Variants in STK11IP observed in about 807,000 individuals in gnomAD.
STK11IP encodes serine/threonine-protein kinase 11-interacting protein.
A neutral mutation model predicts 131.7 loss-of-function variants in STK11IP; 103 were observed. The observed-to-expected ratio is 0.78, with a 90% CI of 0.67 to 0.92. The LOEUF is 0.92. Among genes scored for constraint, STK11IP ranks in the 40% least tolerant of loss-of-function variants. STK11IP has a pLI of 0.00. For missense variants in STK11IP, 1,315 were observed against 1,385.7 expected, an observed-to-expected ratio of 0.95 and a Z score of 0.81; for synonymous variants, 557 against 575.6, an observed-to-expected ratio of 0.97 and a Z score of 0.46.
intron 17 of STK11IP, 89 bp downstream of exon 17, chr2:219,609,629 C>A (rs902748520): frequency 4.7e-6 from 7 of 1,479,660 alleles, no homozygotes; most frequent in Non-Finnish European, 6.5e-6. Context: ...AAGGGGGAGC[C>A]CTAGGGAGAA....
Position 219,614,470 on chromosome 2 carries a change from C to G in STK11IP, c.2799-6C>G. ...GATCTTCCTGTGCCTGCCATATTCC[C>G]TCTAGGCCATTGCTGGAAAAAGACT... On this transcript the variant is annotated splice_polypyrimidine_tract_variant and splice_region_variant and intron_variant, in intron 22 of 24. Transcript: ENST00000456909. 6 of 1,613,716 alleles carry G rather than the reference C, an allele frequency of 3.7e-6. No homozygotes were observed. The highest frequency in any genetic ancestry group is 4.2e-6 in the Non-Finnish European group (5 of 1,179,804).
At chr2:219,607,690 A>C (rs566885118) in intron 13 of STK11IP, among the ~76,000 whole-genome samples, 1 of 152,200 alleles carries the variant, frequency 6.6e-6, no homozygotes, top group East Asian at 1.9e-4. Flanking sequence ...CCAAAACAAA[A>C]GAAAGTGTAT....
intron 23 of STK11IP, 79 bp downstream of exon 23, chr2:219,614,625 T>A: frequency 7.1e-7 from 1 of 1,403,656 alleles, no homozygotes; most frequent in Non-Finnish European, 1.0e-6. Flanking sequence ...GCGCAGCACC[T>A]GTACAGTGCC....
In STK11IP at chr2:219,605,734, G is replaced by A. The variant is rs1384765011; in HGVS notation, c.745G>A (p.Gly249Ser). The change falls in exon 8 of 25, where the codon GGC (glycine) becomes AGC (serine). Residue 249 changes from glycine to serine, a missense_variant and splice_region_variant. Physicochemically the swap from Gly to Ser is moderately conservative, Grantham distance 56 (BLOSUM62 0). Transcript: ENST00000456909. ...LRGNELRSLH[G>S]LEQLRNLRHL... ...AGGCAATGAGCTTCGGAGCCTGCAT[G>A]GTGAGTGGGGGTGTGTGATGGGGCA... is the stretch of plus-strand genomic sequence containing the variant. The A allele has an allele frequency of 6.3e-7, 1 of 1,596,994 alleles. No individual in the cohort carries two copies. The highest frequency in any genetic ancestry group is 2.3e-5 in the East Asian group (1 of 44,232).
chr2:219,598,513 C>CACAA (rs1697874015), intron 2 of STK11IP: 1 of 244,148 alleles, frequency 4.1e-6, no homozygotes, highest in Non-Finnish European at 7.8e-6. Context: ...TAGCAAGGTA[C>CACAA]TAAATACAGT....
At chr2:219,614,065 C>G in intron 21 of STK11IP, 96 bp from the exon 22 acceptor site, 1 of 1,539,640 alleles carries the variant, frequency 6.5e-7, no homozygotes, top group African/African-American at 1.4e-5. Flanking sequence ...TTTCTGAAAT[C>G]CAGAAATGTG....
At position 219,611,808 on chromosome 2, in the gene STK11IP, A is replaced by T; in HGVS notation, c.2309A>T (p.Asp770Val). The change falls in exon 18 of 25, where the codon GAC (aspartate) becomes GTC (valine). Residue 770 changes from aspartate (D) to valine (V), a missense_variant. Asp to Val is a radical substitution (Grantham distance 152). Coordinates refer to ENST00000456909, the MANE Select transcript of STK11IP (RefSeq NM_052902.4). ...CCACCTCAGGCACCGAGCACCCGTG[A>T]CCATGGTAGTTGGAGCCTCAGTCCC... ...NSPPQAPSTRDHGSWSLSPPP... is the reference protein window; with the variant it reads ...NSPPQAPSTRVHGSWSLSPPP... The T allele has an allele frequency of 6.2e-7, 1 of 1,612,810 alleles. No individual in the cohort carries two copies. The highest frequency in any genetic ancestry group is 1.1e-5 in the South Asian group (1 of 91,050).
At chr2:219,606,927 G>C in intron 12 of STK11IP, 69 bp downstream of exon 12, 1 of 1,585,220 alleles carries the variant, frequency 6.3e-7, no homozygotes, top group South Asian at 1.1e-5. Context: ...GGCTACAGTG[G>C]GCAGGGAATG....
chr2:219,604,650 G>T (rs946691309), intron 7 of STK11IP, among the ~76,000 whole-genome samples: 1 of 152,166 alleles, frequency 6.6e-6, no homozygotes, highest in Non-Finnish European at 1.5e-5. Flanking sequence ...AGCCAGTTGA[G>T]ATTTCTAGGT....
At position 219,606,855 on chromosome 2, in the gene STK11IP, T is replaced by A; in HGVS notation, c.1131T>A (p.Val377=). The part of the protein sequence containing the change: ...GVVTQPLLHK[V]KSRVRVRRAS... ...TGACCCAGCCCCTGCTTCATAAGGT[T>A]AAGGTAAGCAGCGTCCTCCGCTGCC... The change falls in exon 12 of 25, where the codon GTT becomes GTA. Residue 377 remains valine (V), a synonymous_variant. Transcript: ENST00000456909. The A allele has an allele frequency of 1.2e-6, 2 of 1,610,220 alleles. No individual in the cohort carries two copies. Among genetic ancestry groups the A allele is most frequent in the Non-Finnish European group, 1.7e-6 (2 of 1,177,748 alleles).
chr2:219,609,759 T>C, intron 17 of STK11IP: 1 of 514,484 alleles, frequency 1.9e-6, no homozygotes, highest in Non-Finnish European at 3.5e-6. Flanking sequence ...TTTTTTTTTT[T>C]TAACTCTAAA....
At chr2:219,615,426 T>A (rs565148750) in intron 24 of STK11IP, 85 bp downstream of exon 24, 98 of 1,512,760 alleles carry the variant, frequency 6.5e-5, no homozygotes, top group Non-Finnish European at 8.5e-5. Context: ...GGGAAATGGG[T>A]CTAGGAACCC....
At chr2:219,613,675 G>T in intron 20 of STK11IP, 77 bp from the exon 21 acceptor site, 1 of 1,558,912 alleles carries the variant, frequency 6.4e-7, no homozygotes, top group Middle Eastern at 1.7e-4. Context: ...TGAGGCAGGT[G>T]CAGCTGGGGC....
chr2:219,614,111 G>A lies in STK11IP; in HGVS notation c.2717-50G>A. On this transcript the variant is annotated intron_variant, in intron 21 of 24. Coordinates refer to ENST00000456909, the MANE Select transcript of STK11IP (RefSeq NM_052902.4). ...AGGGATTGAGAGGTGGTGAGTTTAG[G>A]CTGGAGGAGAGCAGAGCCTTCTAAA... The A allele has an allele frequency of 1.9e-6, 3 of 1,603,548 alleles. No individual in the cohort carries two copies. The African/African-American group carries it at 4.0e-5, about 21-fold the overall frequency.
At chr2:219,614,611 C>T (rs770446175) in intron 23 of STK11IP, 65 bp downstream of exon 23, 8 of 1,505,720 alleles carry the variant, frequency 5.3e-6, no homozygotes, top group Non-Finnish European at 7.4e-6. Context: ...AGGCACTGGC[C>T]CACGCGCAGC....
At chr2:219,612,679 C>A (rs1028119042) in intron 19 of STK11IP, among the ~76,000 whole-genome samples, 2 of 152,152 alleles carry the variant, frequency 1.3e-5, no homozygotes, top group Admixed American at 1.3e-4. Flanking sequence ...GAGAACTGCC[C>A]AGGATGAGGG....
rs540968774 is a variant in STK11IP at position 219,598,229 on chromosome 2, G to T, written c.61+49G>T. ...GGGCCTCGGACCTCGGACGAGGTGG[G>T]GGTGGTGCTTTCTGGAGACACGCCC... On this transcript the variant is annotated intron_variant, in intron 2 of 24. Coordinates refer to ENST00000456909, the MANE Select transcript of STK11IP (RefSeq NM_052902.4). The T allele has an allele frequency of 1.6e-5, 23 of 1,407,044 alleles. No homozygotes were observed. The Admixed American group carries it at 4.8e-4, about 30-fold the overall frequency. The allele number at this position is 1,407,044 out of a possible 1,614,324, so 87.2% of individuals were successfully genotyped here.
intron 1 of STK11IP, 61 bp from the exon 2 acceptor site, chr2:219,598,033 C>T (rs1323763081): frequency 1.3e-6 from 2 of 1,569,270 alleles, no homozygotes; most frequent in East Asian, 2.4e-5. Context: ...TGCGCGGACG[C>T]CCTGGGCTTT....
At chr2:219,606,432 A>G (rs766188291) in intron 10 of STK11IP, 44 bp from the exon 11 acceptor site, 1 of 1,597,064 alleles carries the variant, frequency 6.3e-7, no homozygotes, top group Non-Finnish European at 8.5e-7. Context: ...GCTCAGCAGG[A>G]TGGGCCTACC....
Sources: gnomAD v4.1 joint callset for allele counts (sites outside exome capture counted in the v4.1 genomes callset) on GRCh38, gnomAD v4.1.1 for gene constraint, MANE v1.5 for transcripts, NCBI Gene and HGNC (gene_info 2026-07-23, HGNC 2026-07-21) for gene names.